TBC1D8: variants seen among roughly 807,000 people sequenced by gnomAD.
The protein encoded by TBC1D8 is BUB2-like protein 1.
A neutral mutation model predicts 118.8 loss-of-function variants in TBC1D8; 65 were observed. The ratio of observed to expected loss-of-function variants is 0.55; its 90% confidence interval spans 0.45 to 0.67. The LOEUF (loss-of-function observed/expected upper bound fraction) is 0.67, where lower values mean the gene tolerates loss of function less well. Ranked by LOEUF, TBC1D8 falls within the 30% of genes least tolerant of loss-of-function variation. The probability of loss-of-function intolerance (pLI) is 0.00; values close to 1 mark genes in which losing one functional copy is unlikely to be tolerated. For missense variants in TBC1D8, 1,376 were observed against 1,471.2 expected (o/e 0.94, Z 1.06); for synonymous variants, 566 against 595.8 (o/e 0.95, Z 0.73).
intron 1 of TBC1D8, among the ~76,000 whole-genome samples, chr2:101,100,598 AATTT>A (rs1676764080): frequency 6.6e-6 from 1 of 152,172 alleles, no homozygotes; most frequent in African/African-American, 2.4e-5. Flanking sequence ...TACTACTAAA[AATTT>A]ATTTATTTTT....
chr2:101,127,811 A>G (rs139161863), intron 1 of TBC1D8, among the ~76,000 whole-genome samples: 1 of 152,318 alleles, frequency 6.6e-6, no homozygotes, highest in African/African-American at 2.4e-5. Flanking sequence ...TGAGGGTCAC[A>G]GCTCCTGAGT....
At chr2:101,038,011 G>C (rs560324423) in intron 7 of TBC1D8, among the ~76,000 whole-genome samples, 1 of 152,268 alleles carries the variant, frequency 6.6e-6, no homozygotes, top group South Asian at 2.1e-4. Flanking sequence ...GCCACCCTGA[G>C]AAAGCAGCCC....
chr2:101,027,443 G>C lies in TBC1D8; in HGVS notation c.2460C>G (p.Val820=). 1.2e-6 allele frequency: 2 copies of C among 1,612,896 alleles called. No individual in the cohort carries two copies. Among genetic ancestry groups the C allele is most frequent in the Non-Finnish European group, 1.7e-6 (2 of 1,179,172 alleles). ...GAAGAATTGAGACTTCCGGGATAAC[G>C]ACTCGAAGCTTGAGGAAAGAATAAA... is the stretch of plus-strand genomic sequence containing the variant. ...EDTTKQNVLR[V]VIPEVSILPE... The change falls in exon 15 of 20, where the codon GTC becomes GTG. Residue 820 remains valine (V), a synonymous_variant. Transcript: ENST00000409318.
In TBC1D8 at chr2:101,094,005, A is replaced by C. The variant is rs532973617; in HGVS notation, c.128-3641T>G. On this transcript the variant is annotated intron_variant, in intron 1 of 19. Transcript: ENST00000409318. ...GCCACCATGCCTGGCTGATTCTCAA[A>C]ATACTTACTTATCTGATCAGTCCTC... is the stretch of plus-strand genomic sequence containing the variant. Among the ~76,000 whole-genome samples the C allele has an allele frequency of 2.0e-5, 3 of 152,078 alleles. No homozygotes were observed. In the East Asian group the frequency reaches 5.9e-4, roughly 30 times the overall value.
At chr2:101,131,796 C>A (rs993524129) in intron 1 of TBC1D8, among the ~76,000 whole-genome samples, 4 of 151,928 alleles carry the variant, frequency 2.6e-5, no homozygotes, top group African/African-American at 4.8e-5. Context: ...GCCTGGGCGA[C>A]AGAGCGAGAC....
intron 15 of TBC1D8, among the ~76,000 whole-genome samples, chr2:101,024,337 T>C (rs752638543): frequency 4.0e-5 from 6 of 151,724 alleles, no homozygotes; most frequent in Non-Finnish European, 1.5e-5. Context: ...TCCATGATAT[T>C]AAATGCTGGG....
At chr2:101,133,159 CAA>C (rs34693587) in intron 1 of TBC1D8, among the ~76,000 whole-genome samples, 38 of 88,322 alleles carry the variant, frequency 4.3e-4, no homozygotes, top group Admixed American at 4.4e-4. Flanking sequence ...GACTCCATCT[CAA>C]AAAAAAAAAA....
rs1341269549 is a variant in TBC1D8, at chr2:101,036,177, G to A, written c.1453-9C>T. 1 of 1,612,056 alleles carries A rather than the reference G, an allele frequency of 6.2e-7. No individual in the cohort carries two copies. Among genetic ancestry groups the A allele is most frequent in the Non-Finnish European group, 8.5e-7 (1 of 1,178,280 alleles). On this transcript the variant is annotated splice_polypyrimidine_tract_variant and intron_variant, in intron 8 of 19. Transcript: ENST00000409318. ...TTTATCTGTTCTCTGGACTGGAAAT[G>A]GGAATATTCTTAATGTACAAAGAAG...
rs547179368 is a variant in TBC1D8, at chr2:101,118,583, A to G, written c.128-28219T>C. 1.2e-3 allele frequency among the ~76,000 whole-genome samples: 179 copies of G among 151,782 alleles called. No homozygotes were observed. In the South Asian group the frequency reaches 0.015, roughly 13 times the overall value. On this transcript the variant is annotated intron_variant, in intron 1 of 19. Coordinates refer to ENST00000409318, the MANE Select transcript of TBC1D8 (RefSeq NM_001330348.2). ...TTGGTGGCAGGCACCTGTAGTCCCA[A>G]CTACTCGGGAGGTTGAGGCAGGAGA... is the stretch of plus-strand genomic sequence containing the variant.
intron 1 of TBC1D8, 114 bp downstream of exon 1, chr2:101,151,013 C>T: frequency 1.3e-6 from 1 of 767,002 alleles, no homozygotes; most frequent in Non-Finnish European, 1.6e-6. Flanking sequence ...GTCCGGGCCC[C>T]GCGTCTCCCA....
At chr2:101,115,068 G>A (rs1677758947) in intron 1 of TBC1D8, among the ~76,000 whole-genome samples, 1 of 152,182 alleles carries the variant, frequency 6.6e-6, no homozygotes, top group African/African-American at 2.4e-5. Context: ...AGTCACGTGC[G>A]GATCCCAACA....
chr2:101,131,536 C>T (rs892648019), intron 1 of TBC1D8, among the ~76,000 whole-genome samples: 1 of 151,858 alleles, frequency 6.6e-6, no homozygotes, highest in Admixed American at 6.6e-5. Context: ...AGGTTCTGGC[C>T]GGGTACAGTG....
At chr2:101,112,457 G>C (rs1433743277) in intron 1 of TBC1D8, among the ~76,000 whole-genome samples, 5 of 152,220 alleles carry the variant, frequency 3.3e-5, no homozygotes, top group Non-Finnish European at 5.9e-5. Flanking sequence ...GCCATAATGG[G>C]AGAAGGAAAA....
At chr2:101,024,934 C>T (rs1680250374) in intron 15 of TBC1D8, among the ~76,000 whole-genome samples, 1 of 152,110 alleles carries the variant, frequency 6.6e-6, no homozygotes, top group South Asian at 2.1e-4. Context: ...TTCGGCCCTA[C>T]AAGGAAACTG....
intron 1 of TBC1D8, among the ~76,000 whole-genome samples, chr2:101,091,696 C>T (rs929565796): frequency 6.6e-6 from 1 of 152,072 alleles, no homozygotes; most frequent in Non-Finnish European, 1.5e-5. Context: ...CTGTGCCCTA[C>T]CCTGGGAGAC....
intron 2 of TBC1D8, among the ~76,000 whole-genome samples, chr2:101,071,856 CA>C (rs1674462845): frequency 6.6e-6 from 1 of 152,072 alleles, no homozygotes; most frequent in Non-Finnish European, 1.5e-5. Flanking sequence ...TTTAAAAAAT[CA>C]AAAAATAAAA....
At chr2:101,068,032 T>C (rs1380150131) in intron 2 of TBC1D8, among the ~76,000 whole-genome samples, 2 of 152,166 alleles carry the variant, frequency 1.3e-5, no homozygotes, top group Non-Finnish European at 2.9e-5. Context: ...CCTCATTCGT[T>C]CAAGTTTAAT....
intron 2 of TBC1D8, among the ~76,000 whole-genome samples, chr2:101,083,182 C>A (rs1337564428): frequency 6.6e-6 from 1 of 152,152 alleles, no homozygotes; most frequent in East Asian, 1.9e-4. Flanking sequence ...TACTTCCCCA[C>A]TTATTCACCC....
At chr2:101,016,722 C>T (rs960286860) in intron 17 of TBC1D8, among the ~76,000 whole-genome samples, 5 of 152,186 alleles carry the variant, frequency 3.3e-5, no homozygotes, top group African/African-American at 1.2e-4. Context: ...GACACATATA[C>T]ACCATGGAAT....
Sources: allele counts gnomAD v4.1 joint callset (sites outside exome capture counted in the v4.1 genomes callset), GRCh38; gene constraint gnomAD v4.1.1; transcripts MANE v1.5; gene names NCBI Gene and HGNC (gene_info 2026-07-23, HGNC 2026-07-21).